RBM47: variants seen among roughly 807,000 people sequenced by gnomAD.
The protein encoded by RBM47 is RNA binding motif protein 47.
A neutral mutation model predicts 47.1 loss-of-function variants in RBM47; 21 were observed. The ratio of observed to expected loss-of-function variants is 0.45; its 90% CI spans 0.32 to 0.64. The LOEUF (loss-of-function observed/expected upper bound fraction) is 0.64. Ranked by LOEUF, RBM47 falls within the 30% of genes least tolerant of loss-of-function variation. RBM47 has a pLI of 0.05. For synonymous variants in RBM47, 375 were observed against 361.7 expected (o/e 1.04, Z -0.42); for missense variants, 708 against 870.9 (o/e 0.81, Z 2.35).
intron 2 of RBM47, among the ~76,000 whole-genome samples, chr4:40,487,358 C>T (rs1332935646): frequency 2.6e-5 from 4 of 152,068 alleles, no homozygotes; most frequent in Admixed American, 2.0e-4. Flanking sequence ...TGCAGTGGCG[C>T]GATCTCGGCT....
At chr4:40,469,224 T>C (rs1238397790) in intron 2 of RBM47, among the ~76,000 whole-genome samples, 1 of 152,136 alleles carries the variant, frequency 6.6e-6, no homozygotes, top group Non-Finnish European at 1.5e-5. Context: ...CTCTAAGAAT[T>C]GAAAGCAAAT....
chr4:40,452,689 G>GTT (rs34342768), intron 3 of RBM47, among the ~76,000 whole-genome samples: 4,898 of 150,746 alleles, frequency 0.032, 97 homozygotes, highest in Middle Eastern at 0.051. Flanking sequence ...CACTACTGCA[G>GTT]TTTTTTTTTA....
chr4:40,451,512 G>C (rs1340740695), intron 3 of RBM47, among the ~76,000 whole-genome samples: 1 of 152,052 alleles, frequency 6.6e-6, no homozygotes, highest in Non-Finnish European at 1.5e-5. Flanking sequence ...CTGACAATCT[G>C]GTTTTTAAGA....
Position 40,425,798 on chromosome 4 carries a change from T to C in RBM47, c.*106A>G. The stretch of plus-strand genomic sequence containing the variant: ...TCAGAAATAAATCTGCTAACATTCT[T>C]CACTTTCAGGTTGCATGTGTGAATC... On this transcript the variant is annotated 3_prime_UTR_variant, in exon 7 of 7. Coordinates refer to ENST00000295971, the MANE Select transcript of RBM47 (RefSeq NM_001098634.2). 1 of 1,423,748 alleles carries C rather than the reference T, an allele frequency of 7.0e-7. No homozygotes were observed. Among genetic ancestry groups the C allele is most frequent in the Non-Finnish European group, 9.5e-7 (1 of 1,050,978 alleles). The allele number at this position is 1,423,748 out of a possible 1,614,324, so 88.2% of individuals were successfully genotyped here. A position where few individuals can be genotyped will look rare whatever the true frequency, so the allele number is the denominator to read the frequency against.
intron 1 of RBM47, among the ~76,000 whole-genome samples, chr4:40,626,884 C>T (rs1737793914): frequency 6.6e-6 from 1 of 152,202 alleles, no homozygotes; most frequent in Non-Finnish European, 1.5e-5. Flanking sequence ...GAAACAACAA[C>T]TTGAGGTGGC....
intron 5 of RBM47, among the ~76,000 whole-genome samples, chr4:40,433,977 T>G (rs1711795177): frequency 8.5e-6 from 1 of 118,010 alleles, no homozygotes; most frequent in African/African-American, 3.3e-5. Flanking sequence ...AGCCCTTTTG[T>G]GTGAGTGTGT....
chr4:40,471,222 C>T (rs545205925), intron 2 of RBM47, among the ~76,000 whole-genome samples: 10 of 152,226 alleles, frequency 6.6e-5, no homozygotes, highest in East Asian at 1.9e-4. Flanking sequence ...GGTTGTTACC[C>T]GTACACTGAA....
At chr4:40,513,869 C>G (rs1484597418) in intron 2 of RBM47, among the ~76,000 whole-genome samples, 1 of 152,082 alleles carries the variant, frequency 6.6e-6, no homozygotes, top group Non-Finnish European at 1.5e-5. Flanking sequence ...CCGGCGCACA[C>G]CACCATGCCC....
At chr4:40,543,737 CA>C (rs1728758092) in intron 2 of RBM47, 1 of 152,088 alleles carries the variant, frequency 6.6e-6, no homozygotes, top group Non-Finnish European at 1.5e-5. Context: ...GCAGAGGTTG[CA>C]GTGAGCCGAG....
intron 3 of RBM47, among the ~76,000 whole-genome samples, chr4:40,446,062 C>G (rs1406153628): frequency 6.6e-6 from 1 of 152,232 alleles, no homozygotes; most frequent in East Asian, 1.9e-4. Flanking sequence ...AGTTCCTCTA[C>G]TTCTAGCTGT....
At position 40,606,894 on chromosome 4, in the gene RBM47, G is replaced by C. The variant is rs543498250; in HGVS notation, c.-240+22502C>G. 1.2e-3 allele frequency among the ~76,000 whole-genome samples: 186 copies of C among 152,112 alleles called. 1 individual carries two copies. Among genetic ancestry groups the C allele is most frequent in the African/African-American group, 4.1e-3 (171 of 41,488 alleles). ...AGGCGTGGAGAGGCTGAGGTGGGAG[G>C]ATCACTTGAGACCAGGAGATCGAGG... On this transcript the variant is annotated intron_variant, in intron 1 of 6. Transcript: ENST00000295971.
chr4:40,552,351 T>A (rs977518523), intron 1 of RBM47, among the ~76,000 whole-genome samples: 1 of 151,764 alleles, frequency 6.6e-6, no homozygotes, highest in African/African-American at 2.4e-5. Flanking sequence ...TGAGCTGAGA[T>A]CCCGCCACTG....
intron 6 of RBM47, among the ~76,000 whole-genome samples, chr4:40,432,416 C>T (rs1198600286): frequency 6.6e-6 from 1 of 152,104 alleles, no homozygotes; most frequent in Non-Finnish European, 1.5e-5. Flanking sequence ...AAAAATTACA[C>T]ATAATTTTTG....
chr4:40,426,286 A>C (rs753683382), intron 6 of RBM47, 143 bp from the exon 7 acceptor site: 29 of 1,090,122 alleles, frequency 2.7e-5, no homozygotes, highest in Non-Finnish European at 3.7e-5. Context: ...GCAAACAGCA[A>C]TTATTGTAAG....
chr4:40,540,651 A>AT (rs1553898769), intron 2 of RBM47, among the ~76,000 whole-genome samples: 25 of 117,144 alleles, frequency 2.1e-4, no homozygotes, highest in East Asian at 5.1e-4. Context: ...AAAAAAAAAA[A>AT]AATAATAATA....
rs1713167628 is a variant in RBM47, at chr4:40,438,845, C to G, written c.49G>C (p.Gly17Arg). ...CCCTCGGGCACCTTGGCGGAGGACC[C>G]GGCGGCCGAGTCACTGCTCATGGCT... ...TAAMSSDSAA[G>R]SSAKVPEGVA... is the part of the protein sequence containing the mutation. Residue 17 changes from glycine to arginine, a missense_variant, in exon 4 of 7, where the codon GGG becomes CGG. Physicochemically the swap from Gly to Arg is moderately radical, Grantham distance 125. Transcript: ENST00000295971. 5 of 1,558,352 alleles carry G rather than the reference C, an allele frequency of 3.2e-6. No homozygotes were observed. The highest frequency in any genetic ancestry group is 4.3e-6 in the Non-Finnish European group (5 of 1,157,842).
intron 2 of RBM47, among the ~76,000 whole-genome samples, chr4:40,533,828 T>A (rs935167912): frequency 6.6e-6 from 1 of 151,800 alleles, no homozygotes; most frequent in Non-Finnish European, 1.5e-5. Flanking sequence ...TTCTTTTTTT[T>A]TTTTGAGATG....
At chr4:40,427,408 G>A (rs373483900) in intron 6 of RBM47, 11 of 152,294 alleles carry the variant, frequency 7.2e-5, no homozygotes, top group African/African-American at 2.2e-4. Flanking sequence ...AAAAGCCCCT[G>A]CTACTTCCTT....
At chr4:40,573,462 G>A (rs373007645) in intron 1 of RBM47, among the ~76,000 whole-genome samples, 17 of 151,992 alleles carry the variant, frequency 1.1e-4, no homozygotes, top group African/African-American at 3.1e-4. Context: ...GGGTAACTAG[G>A]CTGGGCATAG....
Sources: gnomAD v4.1 joint callset for allele counts (sites outside exome capture counted in the v4.1 genomes callset) on GRCh38, gnomAD v4.1.1 for gene constraint, MANE v1.5 for transcripts, NCBI Gene and HGNC (gene_info 2026-07-23, HGNC 2026-07-21) for gene names.